Variants in PHTF1 observed in about 807,000 individuals in gnomAD.
PHTF1 encodes the protein protein PHTF1.
Under a neutral mutation model 102.4 loss-of-function variants are expected in PHTF1, and 88 were observed. The observed-to-expected ratio is 0.86, with a 90% CI of 0.72 to 1.03. PHTF1 has a LOEUF of 1.03. Ranked by LOEUF, PHTF1 falls within the 50% of genes least tolerant of loss-of-function variation. PHTF1 has a pLI of 0.00. For synonymous variants in PHTF1, 289 were observed against 305.2 expected (o/e 0.95, Z 0.55); for missense variants, 814 against 909.5 (o/e 0.89, Z 1.35).
chr1:113,727,492 T>C (rs1654019425), intron 5 of PHTF1, among the ~76,000 whole-genome samples: 1 of 152,224 alleles, frequency 6.6e-6, no homozygotes, highest in Non-Finnish European at 1.5e-5. Flanking sequence ...ATTGAAATAC[T>C]ACCAAAGTGA....
chr1:113,729,470 T>C (rs946433900), intron 5 of PHTF1, among the ~76,000 whole-genome samples: 1 of 152,194 alleles, frequency 6.6e-6, no homozygotes, highest in Non-Finnish European at 1.5e-5. Flanking sequence ...TGCCATGATG[T>C]ATTATGCATT....
At chr1:113,739,727 A>G (rs1173196918) in intron 3 of PHTF1, among the ~76,000 whole-genome samples, 1 of 152,140 alleles carries the variant, frequency 6.6e-6, no homozygotes, top group Non-Finnish European at 1.5e-5. Flanking sequence ...GCTATCTGTC[A>G]TTGCCTCCCT....
Position 113,722,352 on chromosome 1 carries a change from T to C in PHTF1, c.623+2407A>G, listed in dbSNP as rs936401761. On this transcript the variant is annotated intron_variant, in intron 7 of 18. Transcript: ENST00000369604. ...TCCTCTGGAGGCTGAGGCAGGAGAA[T>C]GGCATGAACCCAGGAGGTGGAGCTT... Among the ~76,000 whole-genome samples, 7 of 151,500 alleles carry C rather than the reference T, an allele frequency of 4.6e-5. No individual in the cohort carries two copies. The East Asian group carries it at 8.0e-4, about 17-fold the overall frequency.
At chr1:113,708,413 G>A (rs1252556290) in intron 11 of PHTF1, among the ~76,000 whole-genome samples, 1 of 152,190 alleles carries the variant, frequency 6.6e-6, no homozygotes, top group Non-Finnish European at 1.5e-5. Context: ...ATCACTTGAG[G>A]TCAGGAGTTC....
At chr1:113,723,347 C>A (rs1653305087) in intron 7 of PHTF1, among the ~76,000 whole-genome samples, 1 of 151,916 alleles carries the variant, frequency 6.6e-6, no homozygotes, top group South Asian at 2.1e-4. Flanking sequence ...CCGGATAATT[C>A]TTGTATTTTT....
rs369914181 is a variant in PHTF1 at position 113,710,099 on chromosome 1, C to T, written c.1269+155G>A. ...CTGAGTTCTAATCCCAACATCTTCA[C>T]TTATAGACTATGCTCAGTTTCCTCA... On this transcript the variant is annotated intron_variant, in intron 11 of 18. Coordinates refer to ENST00000369604, the MANE Select transcript of PHTF1 (RefSeq NM_001323043.2). Among the ~76,000 whole-genome samples, 61 of 152,312 alleles carry T rather than the reference C, an allele frequency of 4.0e-4. 3 individuals are homozygous for T. In the South Asian group the frequency reaches 0.013, roughly 32 times the overall value.
intron 3 of PHTF1, among the ~76,000 whole-genome samples, chr1:113,756,451 C>A (rs570545472): frequency 6.6e-6 from 1 of 152,106 alleles, no homozygotes; most frequent in Non-Finnish European, 1.5e-5. Context: ...GGGTCTGCTG[C>A]AATACTTTTT....
At position 113,724,679 on chromosome 1, in the gene PHTF1, T is replaced by G. The variant is rs1333345404; in HGVS notation, c.623+80A>C. 4.6e-6 allele frequency: 5 copies of G among 1,093,230 alleles called. No individual in the cohort carries two copies. The East Asian group carries it at 7.6e-5, about 17-fold the overall frequency. The allele number at this position is 1,093,230 out of a possible 1,614,324, so 67.7% of individuals were successfully genotyped here. On this transcript the variant is annotated intron_variant, in intron 7 of 18. Transcript: ENST00000369604. ...AAATCACACCAAGATAAGTCTATACTACTTACTCCTATGGCCTGATGATAC... is the reference window on the plus strand; with the variant it reads ...AAATCACACCAAGATAAGTCTATACGACTTACTCCTATGGCCTGATGATAC...
At position 113,705,921 on chromosome 1, in the gene PHTF1, A is replaced by G; in HGVS notation, c.1640T>C (p.Met547Thr). The G allele has an allele frequency of 6.2e-7, 1 of 1,614,066 alleles. No individual in the cohort carries two copies. The highest frequency in any genetic ancestry group is 1.1e-5 in the South Asian group (1 of 91,078). Reference protein sequence around the residue: ...RLCLTWMFFFMMCVAERTYKQ... With the variant: ...RLCLTWMFFFTMCVAERTYKQ... The stretch of plus-strand genomic sequence containing the variant: ...ATATGTTCTCTCTGCCACACACATC[A>G]TGAAAAAAAACATCCAAGTAAGACA... Residue 547 changes from methionine (M) to threonine (T), a missense_variant, in exon 13 of 19, where the codon ATG becomes ACG. Physicochemically the swap from Met to Thr is moderately conservative, Grantham distance 81. Transcript: ENST00000369604.
chr1:113,743,810 A>T (rs1656786649), intron 3 of PHTF1, among the ~76,000 whole-genome samples: 1 of 152,186 alleles, frequency 6.6e-6, no homozygotes, highest in South Asian at 2.1e-4. Context: ...ACTGTACTTA[A>T]GTTAACTTGA....
intron 5 of PHTF1, among the ~76,000 whole-genome samples, chr1:113,737,477 G>A (rs1655667467): frequency 6.6e-6 from 1 of 152,216 alleles, no homozygotes; most frequent in Non-Finnish European, 1.5e-5. Flanking sequence ...TAAAGCAATA[G>A]GCCTTAATGA....
intron 2 of PHTF1, 82 bp downstream of exon 2, chr1:113,758,577 G>T: frequency 1.3e-6 from 1 of 764,918 alleles, no homozygotes; most frequent in East Asian, 3.1e-5. Flanking sequence ...CTAAACTCGG[G>T]GGAAAGTAAC....
chr1:113,700,182 G>C (rs1399867412), intron 16 of PHTF1: 5 of 955,582 alleles, frequency 5.2e-6, no homozygotes, highest in Non-Finnish European at 6.2e-6. Context: ...GAAGAAGATA[G>C]CTCCTTTTAC....
In PHTF1 at chr1:113,759,450, C is replaced by T. The variant is rs955447249; in HGVS notation, c.-458G>A. Reference sequence around the variant, plus strand: ...AGGCGGCGGCAGCGGCGCTCGTCTTCTGCGGGCCGCGCCGGGATGCAGTGA... The same window carrying T: ...AGGCGGCGGCAGCGGCGCTCGTCTTTTGCGGGCCGCGCCGGGATGCAGTGA... On this transcript the variant is annotated 5_prime_UTR_variant, in exon 1 of 19. Coordinates refer to ENST00000369604, the MANE Select transcript of PHTF1 (RefSeq NM_001323043.2). 1.3e-5 allele frequency: 2 copies of T among 152,562 alleles called. No homozygotes were observed. The highest frequency in any genetic ancestry group is 4.8e-5 in the African/African-American group (2 of 41,484). 9.5% of individuals were successfully genotyped at this position (152,562 alleles called of 1,614,324 possible).
intron 7 of PHTF1, among the ~76,000 whole-genome samples, chr1:113,724,439 G>C (rs886356703): frequency 6.6e-6 from 1 of 151,560 alleles, no homozygotes. Context: ...TTCTCAGAAG[G>C]CTGAGGCAGG....
intron 13 of PHTF1, 124 bp downstream of exon 13, chr1:113,705,766 C>A (rs1650044775): frequency 1.5e-6 from 1 of 681,976 alleles, no homozygotes; most frequent in South Asian, 2.0e-5. Flanking sequence ...TATCAAAAGT[C>A]CACTTATCAA....
At chr1:113,749,419 G>A (rs928688222) in intron 3 of PHTF1, 1 of 152,116 alleles carries the variant, frequency 6.6e-6, no homozygotes, top group African/African-American at 2.4e-5. Context: ...CAGTTTTGAC[G>A]AAAAGAAATT....
At position 113,697,108 on chromosome 1, in the gene PHTF1, C is replaced by T. The variant is rs1225143864; in HGVS notation, c.*597G>A. On this transcript the variant is annotated 3_prime_UTR_variant, in exon 19 of 19. Transcript: ENST00000369604. Reference sequence around the variant, plus strand: ...AACTATACAGTTATTAACCCAAAATCGTAAACGAACAAAACATTTCTCCAC... The same window carrying T: ...AACTATACAGTTATTAACCCAAAATTGTAAACGAACAAAACATTTCTCCAC... The T allele has an allele frequency of 1.3e-5, 2 of 152,494 alleles. No homozygotes were observed. The highest frequency in any genetic ancestry group is 2.9e-5 in the Non-Finnish European group (2 of 68,082). 9.4% of individuals were successfully genotyped at this position (152,494 alleles called of 1,614,324 possible).
intron 1 of PHTF1, 57 bp from the exon 2 acceptor site, chr1:113,758,790 T>C: frequency 4.5e-6 from 7 of 1,549,660 alleles, no homozygotes; most frequent in Admixed American, 2.1e-5. Flanking sequence ...ACTCTCCCAG[T>C]TTGGGTAGGA....
Sources: allele counts gnomAD v4.1 joint callset (sites outside exome capture counted in the v4.1 genomes callset), GRCh38; gene constraint gnomAD v4.1.1; transcripts MANE v1.5; gene names NCBI Gene and HGNC (gene_info 2026-07-23, HGNC 2026-07-21).